Variants in IGSF1 observed in about 807,000 individuals in gnomAD.
IGSF1 encodes the protein immunoglobulin-like domain-containing protein 1.
In IGSF1, 40 loss-of-function variants were observed where a neutral mutation model predicts 95.3. The observed-to-expected ratio is 0.42, with a 90% CI of 0.33 to 0.55. The LOEUF (loss-of-function observed/expected upper bound fraction) is 0.55. Among genes scored for constraint, IGSF1 ranks in the 20% least tolerant of loss-of-function variants. The probability of loss-of-function intolerance (pLI) is 0.10; values close to 1 mark genes in which losing one functional copy is unlikely to be tolerated. For missense variants in IGSF1, 906 were observed against 1,025.4 expected, an observed-to-expected ratio of 0.88 and a Z score of 1.59; for synonymous variants, 372 against 382.9, an observed-to-expected ratio of 0.97 and a Z score of 0.33.
In IGSF1 at chrX:131,274,084, T is replaced by C; in HGVS notation, c.3874A>G (p.Arg1292Gly). Reference protein sequence around the residue: ...EWKKWPRLRTRGSETDGRDQT... With the variant: ...EWKKWPRLRTGGSETDGRDQT... ...GGCCATAATGAGGCATTTATTTACC[T>C]GGTTCGCAGTCGAGGCCACTTCTTC... The change falls in exon 19 of 20, where the codon AGA becomes GGA. Residue 1292 changes from arginine to glycine, a missense_variant and splice_region_variant. This residue lies in a region of IGSF1 where 411 missense variants were observed against 494.9 expected (regional missense o/e 0.83). Transcript: ENST00000361420. 1 of 1,211,403 alleles carries C rather than the reference T, an allele frequency of 8.3e-7. No individual in the cohort carries two copies. The highest frequency in any genetic ancestry group is 1.8e-5 in the South Asian group (1 of 56,889).
In IGSF1 at chrX:131,275,088, T is replaced by C. The variant is rs1471368746; in HGVS notation, c.3383A>G (p.Asp1128Gly). The change falls in exon 17 of 20, where the codon GAC (aspartate) becomes GGC (glycine). Residue 1128 changes from aspartate to glycine, a missense_variant. By Grantham distance (94) the Asp-to-Gly change is moderately conservative. Coordinates refer to ENST00000361420, the MANE Select transcript of IGSF1 (RefSeq NM_001555.5). ...DFWMPAVRGEDSGIYSCVYYL... is the reference protein window; with the variant it reads ...DFWMPAVRGEGSGIYSCVYYL... ...ATAAACACAGCTATAGATCCCAGAG[T>C]CTTCACCTCTCACTGCTGGCATCCA... is the stretch of plus-strand genomic sequence containing the variant. 1 of 1,209,372 alleles carries C rather than the reference T, an allele frequency of 8.3e-7. No homozygotes were observed. Among genetic ancestry groups the C allele is most frequent in the Non-Finnish European group, 1.1e-6 (1 of 894,168 alleles).
In IGSF1 at chrX:131,273,558, A is replaced by G; in HGVS notation, c.*238T>C. The G allele has an allele frequency of 3.0e-6, 1 of 328,801 alleles. No homozygotes were observed. The highest frequency in any genetic ancestry group is 9.6e-5 in the South Asian group (1 of 10,438). 27.1% of individuals were successfully genotyped at this position (328,801 alleles called of 1,213,427 possible). A position where few individuals can be genotyped will look rare whatever the true frequency, so the allele number is the denominator to read the frequency against. On this transcript the variant is annotated 3_prime_UTR_variant, in exon 20 of 20. Transcript: ENST00000361420. ...TTTTATTCAGAAGAATGCATTTTTAATAGAATTTCATGCGCCAGTAAATCA... is the reference window on the plus strand; with the variant it reads ...TTTTATTCAGAAGAATGCATTTTTAGTAGAATTTCATGCGCCAGTAAATCA...
intron 7 of IGSF1, 59 bp from the exon 8 acceptor site, chrX:131,282,003 C>A: frequency 9.5e-7 from 1 of 1,053,558 alleles, no homozygotes; most frequent in Non-Finnish European, 1.3e-6. Context: ...CCCTCTCCCC[C>A]AGAAAATGTT....
chrX:131,286,174 G>T, intron 3 of IGSF1, 126 bp from the exon 4 acceptor site: 2 of 643,957 alleles, frequency 3.1e-6, no homozygotes, highest in East Asian at 3.3e-5. Flanking sequence ...TTGGGGACAG[G>T]AGTGTGCTCC....
Position 131,275,800 on chromosome X carries a change from T to C in IGSF1, c.2897-35A>G, listed in dbSNP as rs188871008. The C allele has an allele frequency of 1.6e-5, 19 of 1,181,189 alleles. No homozygotes were observed. The Admixed American group carries it at 1.8e-4, about 11-fold the overall frequency. ...GACCAAGGTTGTAAAGTGGTGACTA[T>C]AGAAACTTATGAGTTCCTGCTTAAA... is the stretch of plus-strand genomic sequence containing the variant. On this transcript the variant is annotated intron_variant, in intron 15 of 19. Coordinates refer to ENST00000361420, the MANE Select transcript of IGSF1 (RefSeq NM_001555.5).
Position 131,275,671 on chromosome X carries a change from T to C in IGSF1, c.2991A>G (p.Gly997=). 1 of 1,210,870 alleles carries C rather than the reference T, an allele frequency of 8.3e-7. No individual in the cohort carries two copies. ...CTTCTTTGTGCAGAATGTATCCTAC[T>C]CCATGGACCGGCCCTCGGCACCAGA... is the stretch of plus-strand genomic sequence containing the variant. The part of the protein sequence containing the change: ...VTLWCRGPVH[G]VGYILHKEGE... Residue 997 remains glycine (G), a synonymous_variant, in exon 16 of 20, where the codon GGA becomes GGG. Coordinates refer to ENST00000361420, the MANE Select transcript of IGSF1 (RefSeq NM_001555.5).
At chrX:131,280,963 C>CG (rs1556188237) in intron 9 of IGSF1, 6 of 293,703 alleles carry the variant, frequency 2.0e-5, no homozygotes, top group East Asian at 6.2e-5. Flanking sequence ...GGGCACCCTC[C>CG]GGGGGGGATG....
intron 1 of IGSF1, among the ~76,000 whole-genome samples, chrX:131,288,781 C>T (rs753171923): frequency 1.1e-3 from 115 of 107,156 alleles, no homozygotes; most frequent in African/African-American, 3.8e-3. Flanking sequence ...GGCTGCCTAG[C>T]CGTTTTACCC....
chrX:131,276,247 T>C lies in IGSF1; in HGVS notation c.2610A>G (p.Glu870=). ...CCAGGAGAGTGGGTTTGGGGTAGAA[T>C]TCTGAAATTAAAGAGACCACAGCAT... is the stretch of plus-strand genomic sequence containing the variant. ...PSDPVELVVT[E]FYPKPTLLAQ... Residue 870 remains glutamate, a splice_region_variant and synonymous_variant, in exon 15 of 20, where the codon GAA becomes GAG. Coordinates refer to ENST00000361420, the MANE Select transcript of IGSF1 (RefSeq NM_001555.5). 2 of 1,200,380 alleles carry C rather than the reference T, an allele frequency of 1.7e-6. No individual in the cohort carries two copies. The highest frequency in any genetic ancestry group is 3.7e-5 in the South Asian group (2 of 54,138).
intron 16 of IGSF1, 48 bp from the exon 17 acceptor site, chrX:131,275,334 G>A (rs1260631187): frequency 3.4e-6 from 4 of 1,168,849 alleles, no homozygotes. Flanking sequence ...ACTTTCCAGT[G>A]CATCACCCCT....
chrX:131,274,896 CAG>C lies in IGSF1; in HGVS notation c.3473-21_3473-20del, dbSNP rs781726830. On this transcript the variant is annotated intron_variant, in intron 17 of 19. Transcript: ENST00000361420. ...GGCTTATCTGCAACCAACAAGGACA[CAG>C]AGTTAAAAGAAATGATCCTGAACTT... The C allele has an allele frequency of 2.5e-6, 3 of 1,207,433 alleles. No individual in the cohort carries two copies. The highest frequency in any genetic ancestry group is 3.4e-6 in the Non-Finnish European group (3 of 893,179).
At position 131,279,151 on chromosome X, in the gene IGSF1, T is replaced by C. The variant is rs371669632; in HGVS notation, c.1742A>G (p.Glu581Gly). The C allele has an allele frequency of 9.1e-6, 11 of 1,208,106 alleles. No individual in the cohort carries two copies. Among genetic ancestry groups the C allele is most frequent in the Non-Finnish European group, 1.2e-5 (11 of 893,433 alleles). Residue 581 changes from glutamate to glycine, a missense_variant, in exon 11 of 20, where the codon GAA becomes GGA. By Grantham distance (98) the Glu-to-Gly change is moderately conservative. Coordinates refer to ENST00000361420, the MANE Select transcript of IGSF1 (RefSeq NM_001555.5). ...GAGCAGGAAAAACTCACCAGTCTCT[T>C]CTATCAATACCCCATTGCACAGTCC... is the stretch of plus-strand genomic sequence containing the variant. ...CCGLCNGVLIEETEIVMPTPK... is the reference protein window; with the variant it reads ...CCGLCNGVLIGETEIVMPTPK...
chrX:131,279,777 G>A (rs955367518), intron 9 of IGSF1, among the ~76,000 whole-genome samples: 4 of 111,600 alleles, frequency 3.6e-5, no homozygotes, highest in Non-Finnish European at 3.8e-5. Flanking sequence ...GTTTAAGTTC[G>A]GAAGCAGTTG....
chrX:131,275,055 T>A lies in IGSF1; in HGVS notation c.3416A>T (p.Asp1139Val), dbSNP rs750746517. The change falls in exon 17 of 20, where the codon GAC (aspartate) becomes GTC (valine). Residue 1139 changes from aspartate to valine, a missense_variant. Physicochemically the swap from Asp to Val is radical, Grantham distance 152. Around this residue, in one of 5 missense-constraint regions of IGSF1, gnomAD observed 411 missense variants for 494.9 expected, o/e 0.83. Coordinates refer to ENST00000361420, the MANE Select transcript of IGSF1 (RefSeq NM_001555.5). ...ATTTGAAGCTGCAAAGGGAGTAGAG[T>A]CCAAATAATAAACACAGCTATAGAT... Reference protein sequence around the residue: ...SGIYSCVYYLDSTPFAASNHS... With the variant: ...SGIYSCVYYLVSTPFAASNHS... 5.0e-6 allele frequency: 6 copies of A among 1,210,135 alleles called. No individual in the cohort carries two copies. The Admixed American group carries it at 1.3e-4, about 26-fold the overall frequency.
intron 9 of IGSF1, 70 bp downstream of exon 9, chrX:131,281,148 C>T: frequency 4.3e-6 from 5 of 1,154,206 alleles, no homozygotes; most frequent in Non-Finnish European, 5.9e-6. Context: ...TGGCTTGTCT[C>T]AACTAGGGCA....
Position 131,275,601 on chromosome X carries a change from C to T in IGSF1, c.3061G>A (p.Gly1021Arg). The stretch of plus-strand genomic sequence containing the variant: ...GATATATTGGTGATGGGGAATGCCC[C>T]GTCATTACTGGTGGATCCCCAGAGC... ...MQLWGSTSND[G>R]AFPITNISGT... The change falls in exon 16 of 20, where the codon GGG becomes AGG. Residue 1021 changes from glycine to arginine, a missense_variant. Physicochemically the swap from Gly to Arg is moderately radical, Grantham distance 125. Coordinates refer to ENST00000361420, the MANE Select transcript of IGSF1 (RefSeq NM_001555.5). 8.3e-7 allele frequency: 1 copy of T among 1,211,093 alleles called. No homozygotes were observed. The highest frequency in any genetic ancestry group is 1.8e-5 in the South Asian group (1 of 56,947).
chrX:131,274,001 G>T, intron 19 of IGSF1, 70 bp from the exon 20 acceptor site: 3 of 1,200,919 alleles, frequency 2.5e-6, no homozygotes, highest in Non-Finnish European at 3.4e-6. Flanking sequence ...GTGGGGCTCA[G>T]ATACTAGGGG....
chrX:131,275,761 T>C lies in IGSF1; in HGVS notation c.2901A>G (p.Thr967=), dbSNP rs1405010400. 3.3e-6 allele frequency: 4 copies of C among 1,207,127 alleles called. No homozygotes were observed. Among genetic ancestry groups the C allele is most frequent in the Non-Finnish European group, 4.5e-6 (4 of 893,052 alleles). ...CAGCAAACAACCATGGCTTAGGGAA[T>C]GTGTCTAGAAAGAGACCAAGGTTGT... ...SMPLMIWVTD[T]FPKPWLFAEP... Residue 967 remains threonine, a synonymous_variant, in exon 16 of 20, where the codon ACA becomes ACG. Transcript: ENST00000361420.
Position 131,275,254 on chromosome X carries a change from G to A in IGSF1, c.3217C>T (p.Pro1073Ser), listed in dbSNP as rs368781680. 5 of 1,209,595 alleles carry A rather than the reference G, an allele frequency of 4.1e-6. No individual in the cohort carries two copies. Among genetic ancestry groups the A allele is most frequent in the Non-Finnish European group, 5.6e-6 (5 of 894,832 alleles). Residue 1073 changes from proline (P) to serine (S), a missense_variant, in exon 17 of 20, where the codon CCT (proline) becomes TCT (serine). By Grantham distance (74) the Pro-to-Ser change is moderately conservative (BLOSUM62 -1). Transcript: ENST00000361420. Reference protein sequence around the residue: ...LLPKPSLLAQPGPMVAPGENM... With the variant: ...LLPKPSLLAQSGPMVAPGENM... Reference sequence around the variant, plus strand: ...TCGCCAGGGGCCACCATGGGACCAGGCTGGGCTAATAGGCTGGGTTTGGGG... The same window carrying A: ...TCGCCAGGGGCCACCATGGGACCAGACTGGGCTAATAGGCTGGGTTTGGGG...
Sources: gnomAD v4.1 joint callset for allele counts (sites outside exome capture counted in the v4.1 genomes callset) on GRCh38, gnomAD v4.1.1 for gene constraint, gnomAD v4.1.1 regional missense constraint, MANE v1.5 for transcripts, NCBI Gene and HGNC (gene_info 2026-07-23, HGNC 2026-07-21) for gene names.